The following GEMIN5 variants were observed in gnomAD, a reference collection of about 807,000 sequenced individuals.
The protein encoded by GEMIN5 is gem-associated protein 5.
GEMIN5 carries 124 observed loss-of-function variants against 176.9 expected under a neutral mutation model. The observed-to-expected ratio is 0.70, with a 90% CI of 0.61 to 0.81. GEMIN5 has a LOEUF of 0.81. Ranked by LOEUF, GEMIN5 falls within the 40% of genes least tolerant of loss-of-function variation. The pLI, the probability that GEMIN5 is intolerant of heterozygous loss-of-function variation, is 0.00. For synonymous variants in GEMIN5, 673 were observed against 665.2 expected, an observed-to-expected ratio of 1.01 and a Z score of -0.18; for missense variants, 1,843 against 1,814.6, an observed-to-expected ratio of 1.02 and a Z score of -0.28.
chr5:154,902,430 A>G, intron 20 of GEMIN5, 109 bp downstream of exon 20: 1 of 995,566 alleles, frequency 1.0e-6, no homozygotes, highest in African/African-American at 1.6e-5. Context: ...CTTTGTATCT[A>G]TTTGTAAGTG....
intron 26 of GEMIN5, among the ~76,000 whole-genome samples, chr5:154,890,505 A>G (rs1281618886): frequency 1.3e-5 from 2 of 150,270 alleles, no homozygotes; most frequent in Non-Finnish European, 3.0e-5. Flanking sequence ...GGGTCTGTCA[A>G]CCAGGCTGGT....
rs994636481 is a variant in GEMIN5, at chr5:154,927,592, T to G, written c.915-42A>C. On this transcript the variant is annotated intron_variant, in intron 6 of 27. Coordinates refer to ENST00000285873, the MANE Select transcript of GEMIN5 (RefSeq NM_015465.5). Reference sequence around the variant, plus strand: ...TAAGCATTAGTTCTTTTACAAACGATCTGAAAACAAGTGACTGTTGAGACA... The same window carrying G: ...TAAGCATTAGTTCTTTTACAAACGAGCTGAAAACAAGTGACTGTTGAGACA... 3 of 1,459,536 alleles carry G rather than the reference T, an allele frequency of 2.1e-6. No homozygotes were observed. The African/African-American group carries it at 4.2e-5, about 20-fold the overall frequency. 90.4% of individuals were successfully genotyped at this position (1,459,536 alleles called of 1,614,324 possible). A position where few individuals can be genotyped will look rare whatever the true frequency, so the allele number is the denominator to read the frequency against.
At chr5:154,892,195 G>C (rs924058237) in intron 25 of GEMIN5, among the ~76,000 whole-genome samples, 192 bp downstream of exon 25, 1 of 152,208 alleles carries the variant, frequency 6.6e-6, no homozygotes, top group Non-Finnish European at 1.5e-5. Flanking sequence ...GCTGTAAGAG[G>C]GTAGGGCCAG....
rs528580215 is a variant in GEMIN5, at chr5:154,893,334, G to A, written c.3598-785C>T. 4.0e-5 allele frequency among the ~76,000 whole-genome samples: 6 copies of A among 151,232 alleles called. No individual in the cohort carries two copies. The South Asian group carries it at 1.3e-3, about 32-fold the overall frequency. On this transcript the variant is annotated intron_variant, in intron 24 of 27. Transcript: ENST00000285873. ...AATCCCAGCTACTTGGGAGGCTGAG[G>A]CGGAAGAATTGCTTGAACCCGAGAG...
chr5:154,894,154 A>G (rs1413801177), intron 24 of GEMIN5, among the ~76,000 whole-genome samples: 1 of 152,098 alleles, frequency 6.6e-6, no homozygotes, highest in African/African-American at 2.4e-5. Flanking sequence ...CATGTTGCCC[A>G]GGCTGGTCTC....
chr5:154,928,782 C>G (rs1005461424), intron 5 of GEMIN5, 123 bp from the exon 6 acceptor site: 18 of 765,570 alleles, frequency 2.4e-5, no homozygotes, highest in Non-Finnish European at 3.5e-5. Flanking sequence ...ACTTAGAATT[C>G]AGATCTCATT....
At chr5:154,899,066 A>G (rs1002078093) in intron 22 of GEMIN5, 125 bp downstream of exon 22, 73 of 902,258 alleles carry the variant, frequency 8.1e-5, no homozygotes, top group Middle Eastern at 2.4e-4. Context: ...TTGAATATAC[A>G]TATCTTTTAA....
chr5:154,902,754 T>C (rs960838273), intron 19 of GEMIN5, 78 bp from the exon 20 acceptor site: 12 of 1,454,870 alleles, frequency 8.2e-6, no homozygotes, highest in Admixed American at 3.7e-5. Context: ...AAAGGCAAGA[T>C]AGAAGAGAAA....
chr5:154,924,149 C>A (rs1469324395), intron 9 of GEMIN5, among the ~76,000 whole-genome samples: 2 of 152,138 alleles, frequency 1.3e-5, no homozygotes, highest in Admixed American at 1.3e-4. Flanking sequence ...ACACTTACAG[C>A]ACATCTCAGT....
intron 25 of GEMIN5, among the ~76,000 whole-genome samples, 192 bp from the exon 26 acceptor site, chr5:154,891,934 C>T (rs1487656256): frequency 1.3e-5 from 2 of 152,084 alleles, no homozygotes; most frequent in African/African-American, 4.8e-5. Context: ...TGGCTTGCGA[C>T]AGTGTTCTCA....
At chr5:154,899,637 T>C (rs556228843) in intron 21 of GEMIN5, among the ~76,000 whole-genome samples, 1 of 152,028 alleles carries the variant, frequency 6.6e-6, no homozygotes, top group African/African-American at 2.4e-5. Context: ...AAAAAATGTG[T>C]TGACATTTGC....
At chr5:154,912,477 CTGGCT>C (rs1007640389) in intron 14 of GEMIN5, among the ~76,000 whole-genome samples, 5 of 152,332 alleles carry the variant, frequency 3.3e-5, no homozygotes, top group African/African-American at 1.2e-4. Context: ...CCTCATAGAT[CTGGCT>C]TGGCATTTCA....
intron 11 of GEMIN5, among the ~76,000 whole-genome samples, chr5:154,919,725 T>TG (rs1232160910): frequency 2.6e-5 from 4 of 152,220 alleles, no homozygotes; most frequent in Non-Finnish European, 5.9e-5. Context: ...AGTTCTTTTT[T>TG]GGCTTTTTTA....
intron 16 of GEMIN5, among the ~76,000 whole-genome samples, chr5:154,906,259 G>T (rs1763566594): frequency 6.6e-6 from 1 of 151,714 alleles, no homozygotes; most frequent in South Asian, 2.1e-4. Context: ...GCCTCCCATA[G>T]TGCTGGGATT....
At chr5:154,928,425 C>T in intron 6 of GEMIN5, 102 bp downstream of exon 6, 1 of 1,005,700 alleles carries the variant, frequency 9.9e-7, no homozygotes, top group Non-Finnish European at 1.5e-6. Flanking sequence ...AATGGCCCAT[C>T]ATAATACAAG....
chr5:154,893,735 ATTC>A (rs1195602313), intron 24 of GEMIN5, among the ~76,000 whole-genome samples: 5 of 151,846 alleles, frequency 3.3e-5, no homozygotes, highest in South Asian at 2.1e-4. Flanking sequence ...ATTCACCGAT[ATTC>A]TTCTTCTTCT....
intron 20 of GEMIN5, among the ~76,000 whole-genome samples, chr5:154,901,893 C>T (rs1016088296): frequency 1.3e-5 from 2 of 152,032 alleles, no homozygotes; most frequent in African/African-American, 2.4e-5. Context: ...TTAACCTCCC[C>T]GGGCTCAGGT....
At position 154,888,311 on chromosome 5, in the gene GEMIN5, C is replaced by T. The variant is rs866851887; in HGVS notation, c.4426G>A (p.Gly1476Ser). 1.2e-6 allele frequency: 2 copies of T among 1,614,060 alleles called. No individual in the cohort carries two copies. Among genetic ancestry groups the T allele is most frequent in the Non-Finnish European group, 1.7e-6 (2 of 1,180,012 alleles). The change falls in exon 28 of 28, where the codon GGC becomes AGC. Residue 1476 changes from glycine (G) to serine (S), a missense_variant. Physicochemically the swap from Gly to Ser is moderately conservative, Grantham distance 56 (BLOSUM62 0). Transcript: ENST00000285873. ...TGCTGCATTTCCTGGGCCAGACAGC[C>T]AGGAAAGTGGGACCTGATGAGAAGC... is the stretch of plus-strand genomic sequence containing the variant. ...VLLLIRSHFP[G>S]CLAQEMQQQA...
chr5:154,922,672 G>A (rs573265990), intron 9 of GEMIN5, among the ~76,000 whole-genome samples: 2 of 149,678 alleles, frequency 1.3e-5, no homozygotes, highest in South Asian at 2.1e-4. Flanking sequence ...TAAAAACAGT[G>A]TACTTTAAAT....
Sources: allele counts gnomAD v4.1 joint callset (sites outside exome capture counted in the v4.1 genomes callset), GRCh38; gene constraint gnomAD v4.1.1; transcripts MANE v1.5; gene names NCBI Gene and HGNC (gene_info 2026-07-23, HGNC 2026-07-21).